G2E3: variants seen among roughly 807,000 people sequenced by gnomAD.
G2E3 encodes the protein G2/M-phase specific E3 ubiquitin protein ligase, also known as G2/M phase-specific E3 ubiquitin-protein ligase.
G2E3 carries 35 observed loss-of-function variants against 92.8 expected under a neutral mutation model. The observed-to-expected ratio is 0.38, with a 90% CI of 0.29 to 0.50. G2E3 has a LOEUF of 0.50. G2E3 is among the 20% of genes least tolerant of loss of function. The pLI is 0.94. For missense variants in G2E3, 554 were observed against 823.8 expected, an observed-to-expected ratio of 0.67 and a Z score of 4.01; for synonymous variants, 242 against 272.4, an observed-to-expected ratio of 0.89 and a Z score of 1.10.
chr14:30,607,414 C>A (rs1402752852), intron 11 of G2E3, among the ~76,000 whole-genome samples: 1 of 152,080 alleles, frequency 6.6e-6, no homozygotes, highest in Non-Finnish European at 1.5e-5. Flanking sequence ...AGACTGCAAA[C>A]CTGTATAACA....
Position 30,616,292 on chromosome 14 carries a change from A to G in G2E3, c.1879A>G (p.Thr627Ala). Reference protein sequence around the residue: ...LQAVEDGKSTTTMEDILIFAT... With the variant: ...LQAVEDGKSTATMEDILIFAT... ...AATTTTTTCAGATGGTAAATCTACA[A>G]CAACAATGGAAGACATTCTTATTTT... The change falls in exon 15 of 15, where the codon ACA (threonine) becomes GCA (alanine). Residue 627 changes from threonine to alanine, a missense_variant. Thr to Ala is a moderately conservative substitution (Grantham distance 58, BLOSUM62 0). Coordinates refer to ENST00000206595, the MANE Select transcript of G2E3 (RefSeq NM_017769.5). The G allele has an allele frequency of 6.2e-7, 1 of 1,606,950 alleles. No homozygotes were observed. Among genetic ancestry groups the G allele is most frequent in the Non-Finnish European group, 8.5e-7 (1 of 1,174,460 alleles).
intron 1 of G2E3, among the ~76,000 whole-genome samples, chr14:30,571,944 TA>T (rs34718480): frequency 7.5e-4 from 108 of 144,434 alleles, no homozygotes; most frequent in Non-Finnish European, 7.5e-4. Context: ...GCCAGTATCT[TA>T]AAAAAAAAAA....
chr14:30,595,975 G>GT (rs1566542748), intron 6 of G2E3, among the ~76,000 whole-genome samples: 1 of 151,990 alleles, frequency 6.6e-6, no homozygotes. Flanking sequence ...GTCTTATCCT[G>GT]TTTTTTCTCC....
intron 13 of G2E3, 133 bp from the exon 14 acceptor site, chr14:30,615,216 G>T: frequency 1.9e-6 from 1 of 536,320 alleles, no homozygotes. Context: ...GTCTCTTGTG[G>T]GGGTTTTTTG....
At position 30,615,404 on chromosome 14, in the gene G2E3, G is replaced by A; in HGVS notation, c.1729G>A (p.Glu577Lys). The A allele has an allele frequency of 6.2e-7, 1 of 1,609,814 alleles. No homozygotes were observed. Among genetic ancestry groups the A allele is most frequent in the Non-Finnish European group, 8.5e-7 (1 of 1,177,906 alleles). ...GVLEKIQAYP[E>K]AFCSILCHKP... ...TTTGGAGAAAATTCAGGCTTATCCAGAAGCATTTTGTAGCATCCTGTGTCA... is the reference window on the plus strand; with the variant it reads ...TTTGGAGAAAATTCAGGCTTATCCAAAAGCATTTTGTAGCATCCTGTGTCA... Residue 577 changes from glutamate (E) to lysine (K), a missense_variant, in exon 14 of 15, where the codon GAA (glutamate) becomes AAA (lysine). Physicochemically the swap from Glu to Lys is moderately conservative, Grantham distance 56 (BLOSUM62 1). Transcript: ENST00000206595.
intron 1 of G2E3, chr14:30,560,156 ACT>A (rs1351868133): frequency 1.3e-5 from 2 of 151,094 alleles, no homozygotes; most frequent in East Asian, 3.9e-4. Flanking sequence ...GAAATATGGA[ACT>A]CTGTCTAACC....
intron 14 of G2E3, 136 bp from the exon 15 acceptor site, chr14:30,616,142 G>T: frequency 1.6e-6 from 1 of 637,766 alleles, no homozygotes. Flanking sequence ...TTGTGATTTA[G>T]TTTGCCCAAA....
chr14:30,563,955 G>A (rs1342068340), intron 1 of G2E3, among the ~76,000 whole-genome samples: 1 of 152,148 alleles, frequency 6.6e-6, no homozygotes. Context: ...CTGACCTCAA[G>A]GGATCTGCCC....
chr14:30,619,276 T>G lies in G2E3; in HGVS notation c.*2742T>G, dbSNP rs1173686053. ...GTTTCTATTTTATGCATTTGTAAAT[T>G]TTTCCCCTAATTATATGGAAGCTAT... On this transcript the variant is annotated 3_prime_UTR_variant, in exon 15 of 15. Coordinates refer to ENST00000206595, the MANE Select transcript of G2E3 (RefSeq NM_017769.5). 2 of 152,058 alleles carry G rather than the reference T, an allele frequency of 1.3e-5. No homozygotes were observed. Among genetic ancestry groups the G allele is most frequent in the Non-Finnish European group, 2.9e-5 (2 of 67,924 alleles). 9.4% of individuals were successfully genotyped at this position (152,058 alleles called of 1,614,324 possible).
Position 30,608,004 on chromosome 14 carries a change from C to G in G2E3, c.1435C>G (p.Pro479Ala), listed in dbSNP as rs772904346. Residue 479 changes from proline (P) to alanine (A), a missense_variant, in exon 12 of 15, where the codon CCA becomes GCA. Physicochemically the swap from Pro to Ala is conservative, Grantham distance 27. Coordinates refer to ENST00000206595, the MANE Select transcript of G2E3 (RefSeq NM_017769.5). ...CTTGTTTAACTGCCTTGTTTATGGA[C>G]CAGAAAATACCCAGCCAATTTTAGA... ...KTLFNCLVYG[P>A]ENTQPILDDV... The G allele has an allele frequency of 1.9e-6, 3 of 1,605,004 alleles. No homozygotes were observed. The highest frequency in any genetic ancestry group is 2.5e-6 in the Non-Finnish European group (3 of 1,176,542).
chr14:30,590,265 A>T (rs1345188321), intron 4 of G2E3, among the ~76,000 whole-genome samples: 1 of 152,174 alleles, frequency 6.6e-6, no homozygotes, highest in Non-Finnish European at 1.5e-5. Context: ...GGACACTGAC[A>T]CATTATAGTT....
intron 1 of G2E3, among the ~76,000 whole-genome samples, chr14:30,571,603 A>G (rs1168805178): frequency 6.6e-6 from 1 of 151,936 alleles, no homozygotes; most frequent in African/African-American, 2.4e-5. Flanking sequence ...TTAATATATG[A>G]GGTCAATGTT....
At position 30,612,365 on chromosome 14, in the gene G2E3, C is replaced by T. The variant is rs1882134212; in HGVS notation, c.1659C>T (p.His553=). ...ILGYHVIQRV[H]TPFESFKQGL... The stretch of plus-strand genomic sequence containing the variant: ...GCTACCATGTAATTCAGAGAGTCCA[C>T]ACACCCTTTGAAAGGTAAGTTGTTT... Residue 553 remains histidine (H), a synonymous_variant, in exon 13 of 15, where the codon CAC becomes CAT. Coordinates refer to ENST00000206595, the MANE Select transcript of G2E3 (RefSeq NM_017769.5). 3 of 1,583,656 alleles carry T rather than the reference C, an allele frequency of 1.9e-6. No individual in the cohort carries two copies. Among genetic ancestry groups the T allele is most frequent in the African/African-American group, 2.7e-5 (2 of 74,080 alleles).
chr14:30,567,815 A>G (rs1879528636), intron 1 of G2E3, among the ~76,000 whole-genome samples: 1 of 151,872 alleles, frequency 6.6e-6, no homozygotes, highest in Non-Finnish European at 1.5e-5. Flanking sequence ...GTCTATTTAA[A>G]GTTGTTATTT....
chr14:30,577,061 C>T (rs141973775), intron 1 of G2E3, among the ~76,000 whole-genome samples: 3,686 of 151,858 alleles, frequency 0.024, 83 homozygotes, highest in Middle Eastern at 0.048. Context: ...CCCGTCTGTA[C>T]TAAAAATACA....
At chr14:30,606,576 G>C (rs1881842214) in intron 11 of G2E3, among the ~76,000 whole-genome samples, 1 of 152,000 alleles carries the variant, frequency 6.6e-6, no homozygotes. Flanking sequence ...TTAACTCAAG[G>C]CAGCTTTGGT....
chr14:30,572,227 AT>A (rs879434181), intron 1 of G2E3, among the ~76,000 whole-genome samples: 8 of 152,152 alleles, frequency 5.3e-5, no homozygotes, highest in Non-Finnish European at 1.2e-4. Flanking sequence ...ATTCTTATAA[AT>A]ATGTTGGTAG....
rs747775633 is a variant in G2E3, at chr14:30,589,428, G to A, written c.181G>A (p.Val61Ile). The A allele has an allele frequency of 8.0e-5, 129 of 1,605,734 alleles. No individual in the cohort carries two copies. Among genetic ancestry groups the A allele is most frequent in the Non-Finnish European group, 1.1e-4 (126 of 1,173,118 alleles). ...GCAGAGAGGCAAAGAAGAAGAAGGA[G>A]TTTATGGTTTTCTAATAGAAGATAT... is the stretch of plus-strand genomic sequence containing the variant. ...IWQRGKEEEGVYGFLIEDIRK... is the reference protein window; with the variant it reads ...IWQRGKEEEGIYGFLIEDIRK... Residue 61 changes from valine to isoleucine, a missense_variant, in exon 4 of 15, where the codon GTT becomes ATT. Physicochemically the swap from Val to Ile is conservative, Grantham distance 29 (BLOSUM62 3). Around this residue, in one of 3 missense-constraint regions of G2E3, gnomAD observed 137 missense variants for 201.3 expected, o/e 0.68. Transcript: ENST00000206595.
At chr14:30,567,074 G>C (rs1227657327) in intron 1 of G2E3, among the ~76,000 whole-genome samples, 1 of 152,136 alleles carries the variant, frequency 6.6e-6, no homozygotes, top group Non-Finnish European at 1.5e-5. Context: ...GAATCAGTTT[G>C]CTGGTAGTTT....
Sources: gnomAD v4.1 joint callset for allele counts (sites outside exome capture counted in the v4.1 genomes callset) on GRCh38, gnomAD v4.1.1 for gene constraint, gnomAD v4.1.1 regional missense constraint, MANE v1.5 for transcripts, NCBI Gene and HGNC (gene_info 2026-07-23, HGNC 2026-07-21) for gene names.